TRAF4: variants seen among roughly 807,000 people sequenced by gnomAD.
The protein encoded by TRAF4 is TNF receptor associated factor 4, also known as TNF receptor-associated factor 4.
TRAF4 carries 9 observed loss-of-function variants against 47.3 expected under a neutral mutation model. The observed-to-expected ratio is 0.19, with a 90% CI of 0.11 to 0.33. The LOEUF (loss-of-function observed/expected upper bound fraction) is 0.33, where lower values mean the gene tolerates loss of function less well. Ranked by LOEUF, TRAF4 falls within the 10% of genes least tolerant of loss-of-function variation. The probability of loss-of-function intolerance (pLI) is 1.00; values close to 1 mark genes in which losing one functional copy is unlikely to be tolerated. For synonymous variants in TRAF4, 236 were observed against 236.9 expected, an observed-to-expected ratio of 1.00 and a Z score of 0.04; for missense variants, 448 against 620.3, an observed-to-expected ratio of 0.72 and a Z score of 2.95.
intron 1 of TRAF4, among the ~76,000 whole-genome samples, chr17:28,744,491 G>A (rs1162848305): frequency 6.6e-6 from 1 of 152,078 alleles, no homozygotes; most frequent in Non-Finnish European, 1.5e-5. Flanking sequence ...GGAAGACCTC[G>A]GCGCCTTCTC....
chr17:28,746,179 C>T (rs895365865), intron 1 of TRAF4, among the ~76,000 whole-genome samples: 3 of 152,236 alleles, frequency 2.0e-5, no homozygotes, highest in Non-Finnish European at 4.4e-5. Flanking sequence ...GCTCTGGTTC[C>T]GCCTGGATCC....
At position 28,749,746 on chromosome 17, in the gene TRAF4, C is replaced by T. The variant is rs2034573647; in HGVS notation, c.*169C>T. The T allele has an allele frequency of 8.8e-7, 1 of 1,140,122 alleles. No homozygotes were observed. Among genetic ancestry groups the T allele is most frequent in the African/African-American group, 1.5e-5 (1 of 65,218 alleles). 70.6% of individuals were successfully genotyped at this position (1,140,122 alleles called of 1,614,324 possible). A position where few individuals can be genotyped will look rare whatever the true frequency, so the allele number is the denominator to read the frequency against. On this transcript the variant is annotated 3_prime_UTR_variant, in exon 7 of 7. Transcript: ENST00000262395. The stretch of plus-strand genomic sequence containing the variant: ...CCTCAGGTGCCTCCAATTGGTGCTT[C>T]AGCCCTGGCCCCTGTGGGGAACAGG...
Position 28,744,102 on chromosome 17 carries a change from G to T in TRAF4, c.-11G>T. 1 of 1,540,528 alleles carries T rather than the reference G, an allele frequency of 6.5e-7. No homozygotes were observed. The highest frequency in any genetic ancestry group is 8.7e-7 in the Non-Finnish European group (1 of 1,151,238). ...CTGGCCCCGCTCGCCCGTGCCGGCC[G>T]CTCGCCCGCCATGCCTGGCTTCGAC... On this transcript the variant is annotated 5_prime_UTR_variant, in exon 1 of 7. Transcript: ENST00000262395.
chr17:28,747,515 T>C, intron 2 of TRAF4: 1 of 579,570 alleles, frequency 1.7e-6, no homozygotes, highest in South Asian at 2.3e-5. Context: ...AAGTGTTCCC[T>C]CCCCTTCCGG....
In TRAF4 at chr17:28,748,271, G is replaced by T. The variant is rs2034546708; in HGVS notation, c.472G>T (p.Gly158Cys). 6.2e-7 allele frequency: 1 copy of T among 1,613,142 alleles called. No individual in the cohort carries two copies. Among genetic ancestry groups the T allele is most frequent in the South Asian group, 1.1e-5 (1 of 91,056 alleles). ...CCTCTGACATTTCCAGAGCCATGAG[G>T]GTATGTGCCCCCAGGAGAGTGTCTA... Reference protein sequence around the residue: ...FSGEAYESHEGMCPQESVYCE... With the variant: ...FSGEAYESHECMCPQESVYCE... Residue 158 changes from glycine (G) to cysteine (C), a missense_variant, in exon 5 of 7, where the codon GGT becomes TGT. Physicochemically the swap from Gly to Cys is radical, Grantham distance 159. Transcript: ENST00000262395.
In TRAF4 at chr17:28,748,111, A is replaced by G; in HGVS notation, c.395A>G (p.His132Arg). The G allele has an allele frequency of 6.2e-7, 1 of 1,614,034 alleles. No individual in the cohort carries two copies. The highest frequency in any genetic ancestry group is 1.1e-5 in the South Asian group (1 of 91,084). Residue 132 changes from histidine to arginine, a missense_variant, in exon 4 of 7, where the codon CAT (histidine) becomes CGT (arginine). Physicochemically the swap from His to Arg is conservative, Grantham distance 29. Transcript: ENST00000262395. Reference protein sequence around the residue: ...SRRDLPAHLQHDCPKRRLKCE... With the variant: ...SRRDLPAHLQRDCPKRRLKCE... ...CGTGATCTACCTGCACACTTGCAGC[A>G]TGACTGCCCCAAGCGGCGCCTCAAG...
At chr17:28,746,161 C>G (rs929645960) in intron 1 of TRAF4, among the ~76,000 whole-genome samples, 1 of 152,220 alleles carries the variant, frequency 6.6e-6, no homozygotes, top group Non-Finnish European at 1.5e-5. Flanking sequence ...AACTGGGCTC[C>G]CATGTGGGCT....
At position 28,748,405 on chromosome 17, in the gene TRAF4, C is replaced by T. The variant is rs2070265; in HGVS notation, c.606C>T (p.Phe202=). ...CCTGCACCTACTGCACTAAGGAGTT[C>T]GTCTTTGACACCATCCAGGTGAGGC... is the stretch of plus-strand genomic sequence containing the variant. ...TQPCTYCTKE[F]VFDTIQSHQY... is the part of the protein sequence containing the mutation. Residue 202 remains phenylalanine (F), a synonymous_variant, in exon 5 of 7, where the codon TTC becomes TTT. Coordinates refer to ENST00000262395, the MANE Select transcript of TRAF4 (RefSeq NM_004295.4). The T allele has an allele frequency of 0.21, 330,151 of 1,605,578 alleles. 35,151 individuals are homozygous for T. Among genetic ancestry groups the T allele is most frequent in the South Asian group, 0.3 (27,265 of 90,818 alleles).
chr17:28,747,611 A>G, intron 2 of TRAF4: 1 of 592,708 alleles, frequency 1.7e-6, no homozygotes, highest in Non-Finnish European at 3.0e-6. Flanking sequence ...GGGATTGAGC[A>G]GGCTGATTGG....
chr17:28,748,807 GCCTCTT>G, intron 6 of TRAF4, 132 bp from the exon 7 acceptor site: 1 of 1,483,568 alleles, frequency 6.7e-7, no homozygotes, highest in Non-Finnish European at 8.9e-7. Context: ...GCCAGCTCCA[GCCTCTT>G]CCTAACACCC....
At chr17:28,747,415 C>T in intron 2 of TRAF4, 151 bp downstream of exon 2, 8 of 949,380 alleles carry the variant, frequency 8.4e-6, no homozygotes, top group Non-Finnish European at 1.2e-5. Context: ...TCCCACCAGG[C>T]CAGTTTGCAA....
rs1000739876 is a variant in TRAF4 at position 28,750,031 on chromosome 17, C to T, written c.*454C>T. 4.8e-5 allele frequency: 29 copies of T among 599,980 alleles called. No individual in the cohort carries two copies. The highest frequency in any genetic ancestry group is 8.7e-5 in the Non-Finnish European group (29 of 334,788). The allele number at this position is 599,980 out of a possible 1,614,324, so 37.2% of individuals were successfully genotyped here. A position where few individuals can be genotyped will look rare whatever the true frequency, so the allele number is the denominator to read the frequency against. Reference sequence around the variant, plus strand: ...ATTTATTTCCTTAGTGCCAGGAGGGCACAGCAGGGGAGCCCTGATTTTTAA... The same window carrying T: ...ATTTATTTCCTTAGTGCCAGGAGGGTACAGCAGGGGAGCCCTGATTTTTAA... On this transcript the variant is annotated 3_prime_UTR_variant, in exon 7 of 7. Coordinates refer to ENST00000262395, the MANE Select transcript of TRAF4 (RefSeq NM_004295.4).
Position 28,744,052 on chromosome 17 carries a change from C to G in TRAF4, c.-61C>G, listed in dbSNP as rs1317172602. ...AGCCGGGAGCGCCGCTCCAGCGAGGCGCGGGCTGTGGGGCCGCCGCGTGCC... is the reference window on the plus strand; with the variant it reads ...AGCCGGGAGCGCCGCTCCAGCGAGGGGCGGGCTGTGGGGCCGCCGCGTGCC... On this transcript the variant is annotated 5_prime_UTR_variant, in exon 1 of 7. Transcript: ENST00000262395. 26 of 1,158,598 alleles carry G rather than the reference C, an allele frequency of 2.2e-5. No homozygotes were observed. The highest frequency in any genetic ancestry group is 2.7e-5 in the Non-Finnish European group (25 of 939,272). The allele number at this position is 1,158,598 out of a possible 1,614,324, so 71.8% of individuals were successfully genotyped here. A position where few individuals can be genotyped will look rare whatever the true frequency, so the allele number is the denominator to read the frequency against.
Position 28,748,938 on chromosome 17 carries a change from C to A in TRAF4, c.781-7C>A. The A allele has an allele frequency of 6.2e-7, 1 of 1,604,036 alleles. No homozygotes were observed. The highest frequency in any genetic ancestry group is 8.5e-7 in the Non-Finnish European group (1 of 1,175,138). On this transcript the variant is annotated splice_region_variant and splice_polypyrimidine_tract_variant and intron_variant, in intron 6 of 6. Coordinates refer to ENST00000262395, the MANE Select transcript of TRAF4 (RefSeq NM_004295.4). The stretch of plus-strand genomic sequence containing the variant: ...CCTTCCCCCATGGCCTGGGGCTTTG[C>A]CAACAGTGCCCTAAGCTGGCAATGG...
chr17:28,747,336 A>G (rs899618973), intron 2 of TRAF4, 72 bp downstream of exon 2: 1 of 1,564,960 alleles, frequency 6.4e-7, no homozygotes, highest in Non-Finnish European at 8.7e-7. Flanking sequence ...GCTGGCAGCC[A>G]GTGGGCTCAG....
At position 28,749,381 on chromosome 17, in the gene TRAF4, A is replaced by G; in HGVS notation, c.1217A>G (p.Glu406Gly). ...PGLAKPQHVT[E>G]TFHPDPNWKN... is the part of the protein sequence containing the mutation. The stretch of plus-strand genomic sequence containing the variant: ...CTGGCTAAACCACAGCACGTCACTG[A>G]GACCTTCCACCCCGACCCAAACTGG... The change falls in exon 7 of 7, where the codon GAG becomes GGG. Residue 406 changes from glutamate to glycine, a missense_variant. Transcript: ENST00000262395. The G allele has an allele frequency of 6.2e-7, 1 of 1,613,998 alleles. No homozygotes were observed. The highest frequency in any genetic ancestry group is 8.5e-7 in the Non-Finnish European group (1 of 1,180,034).
intron 1 of TRAF4, 39 bp downstream of exon 1, chr17:28,744,294 GGGC>G: frequency 1.3e-6 from 2 of 1,497,236 alleles, no homozygotes; most frequent in Non-Finnish European, 1.8e-6. Flanking sequence ...GGGCGGGGCG[GGGC>G]GGGGGGCGCC....
rs750735222 is a variant in TRAF4 at position 28,747,935 on chromosome 17, A to G, written c.288A>G (p.Leu96=). 2 of 1,614,114 alleles carry G rather than the reference A, an allele frequency of 1.2e-6. No individual in the cohort carries two copies. Among genetic ancestry groups the G allele is most frequent in the South Asian group, 1.1e-5 (1 of 91,082 alleles). Residue 96 remains leucine, a synonymous_variant, in exon 3 of 7, where the codon CTA becomes CTG. Coordinates refer to ENST00000262395, the MANE Select transcript of TRAF4 (RefSeq NM_004295.4). ...SEEGCRWSGP[L]RHLQGHLNTC... ...AGGGCTGCCGCTGGAGTGGGCCACT[A>G]CGTCATCTACAGGTGAGGCTCTGAT...
rs144767741 is a variant in TRAF4, at chr17:28,748,630, G to C, written c.744G>C (p.Val248=). The part of the protein sequence containing the change: ...HLKDSCNTAL[V]LCPFKDSGCK... Reference sequence around the variant, plus strand: ...AGGACAGCTGTAACACCGCCCTGGTGCTCTGCCCATTCAAAGACTCCGGCT... The same window carrying C: ...AGGACAGCTGTAACACCGCCCTGGTCCTCTGCCCATTCAAAGACTCCGGCT... The change falls in exon 6 of 7, where the codon GTG becomes GTC. Residue 248 remains valine, a synonymous_variant. Transcript: ENST00000262395. The C allele has an allele frequency of 6.2e-7, 1 of 1,612,546 alleles. No homozygotes were observed. Among genetic ancestry groups the C allele is most frequent in the Admixed American group, 1.7e-5 (1 of 59,988 alleles).
Sources: allele counts gnomAD v4.1 joint callset (sites outside exome capture counted in the v4.1 genomes callset), GRCh38; gene constraint gnomAD v4.1.1; transcripts MANE v1.5; gene names NCBI Gene and HGNC (gene_info 2026-07-23, HGNC 2026-07-21).